ZFPM2: variants seen among roughly 807,000 people sequenced by gnomAD.
The protein encoded by ZFPM2 is zinc finger protein ZFPM2.
A neutral mutation model predicts 98.6 loss-of-function variants in ZFPM2; 20 were observed. The ratio of observed to expected loss-of-function variants is 0.20; its 90% CI spans 0.14 to 0.29. The LOEUF (loss-of-function observed/expected upper bound fraction) is 0.29. Ranked by LOEUF, ZFPM2 falls within the 10% of genes least tolerant of loss-of-function variation. The probability of loss-of-function intolerance (pLI) is 1.00; values close to 1 mark genes in which losing one functional copy is unlikely to be tolerated. For synonymous variants in ZFPM2, 518 were observed against 502.7 expected (o/e 1.03, Z -0.41); for missense variants, 1,310 against 1,388.6 (o/e 0.94, Z 0.90).
At chr8:105,798,458 A>C (rs1317731543) in intron 6 of ZFPM2, 16 of 331,814 alleles carry the variant, frequency 4.8e-5, no homozygotes, top group Non-Finnish European at 8.9e-5. Flanking sequence ...GCAAAAAATA[A>C]AATAAAATAA....
intron 4 of ZFPM2, among the ~76,000 whole-genome samples, chr8:105,606,629 A>G (rs1563740276): frequency 6.6e-6 from 1 of 152,050 alleles, no homozygotes; most frequent in Non-Finnish European, 1.5e-5. Flanking sequence ...AATACTAACC[A>G]TTATTGTCAT....
intron 5 of ZFPM2, among the ~76,000 whole-genome samples, chr8:105,758,888 C>T (rs1367763971): frequency 6.6e-6 from 1 of 152,206 alleles, no homozygotes; most frequent in East Asian, 1.9e-4. Context: ...TTATAGGAAA[C>T]TCATGCCTGA....
At chr8:105,798,669 AC>A in intron 6 of ZFPM2, 54 bp from the exon 7 acceptor site, 1 of 1,494,116 alleles carries the variant, frequency 6.7e-7, no homozygotes, top group Non-Finnish European at 9.2e-7. Context: ...TGCTTTACCC[AC>A]AGTTGGTTTC....
At chr8:105,678,257 G>A (rs1281468842) in intron 5 of ZFPM2, among the ~76,000 whole-genome samples, 1 of 152,104 alleles carries the variant, frequency 6.6e-6, no homozygotes, top group Non-Finnish European at 1.5e-5. Context: ...TTATTTCAGA[G>A]CCTACATGAC....
rs568895794 is a variant in ZFPM2 at position 105,679,479 on chromosome 8, G to A, written c.532+45122G>A. Among the ~76,000 whole-genome samples the A allele has an allele frequency of 5.3e-5, 8 of 152,264 alleles. 1 individual carries two copies. In the South Asian group the frequency reaches 1.5e-3, roughly 28 times the overall value. Reference sequence around the variant, plus strand: ...TGTGCTTAACAAAGTCACTCAATTTGGAGCTTGAAGACGAGCTTTCAAATA... The same window carrying A: ...TGTGCTTAACAAAGTCACTCAATTTAGAGCTTGAAGACGAGCTTTCAAATA... On this transcript the variant is annotated intron_variant, in intron 5 of 7. Coordinates refer to ENST00000407775, the MANE Select transcript of ZFPM2 (RefSeq NM_012082.4).
At chr8:105,739,526 A>T (rs1384925436) in intron 5 of ZFPM2, among the ~76,000 whole-genome samples, 1 of 152,010 alleles carries the variant, frequency 6.6e-6, no homozygotes, top group African/African-American at 2.4e-5. Flanking sequence ...ATACACAAGC[A>T]TATGGGGAAT....
chr8:105,565,057 A>G (rs898614750), intron 4 of ZFPM2, among the ~76,000 whole-genome samples: 31 of 152,258 alleles, frequency 2.0e-4, no homozygotes, highest in African/African-American at 7.2e-4. Flanking sequence ...ACTCTGCTCA[A>G]ACTCATGGTG....
intron 3 of ZFPM2, among the ~76,000 whole-genome samples, chr8:105,534,046 T>TCCTCCCTCCCTC (rs1563704403): frequency 8.6e-5 from 2 of 23,286 alleles, no homozygotes; most frequent in East Asian, 1.2e-3. Flanking sequence ...CTCCCTCCCT[T>TCCTCCCTCCCTC]CCTCCCTTCC....
chr8:105,349,477 T>G (rs1397380857), intron 1 of ZFPM2, among the ~76,000 whole-genome samples: 1 of 152,182 alleles, frequency 6.6e-6, no homozygotes, highest in East Asian at 1.9e-4. Flanking sequence ...ATAGGGTATT[T>G]TGATTAATTG....
At chr8:105,404,374 T>C (rs1006415831) in intron 1 of ZFPM2, among the ~76,000 whole-genome samples, 2 of 152,092 alleles carry the variant, frequency 1.3e-5, no homozygotes, top group African/African-American at 4.8e-5. Flanking sequence ...TTTCCCTCTT[T>C]GTTTGAGATT....
At chr8:105,784,776 C>A (rs1813363165) in intron 5 of ZFPM2, 1 of 145,410 alleles carries the variant, frequency 6.9e-6, no homozygotes, top group Non-Finnish European at 1.5e-5. Flanking sequence ...CAGCCTGGTT[C>A]CATTGCCCAA....
At chr8:105,701,666 T>C (rs1253849845) in intron 5 of ZFPM2, among the ~76,000 whole-genome samples, 2 of 152,204 alleles carry the variant, frequency 1.3e-5, no homozygotes, top group African/African-American at 4.8e-5. Context: ...AATTTAACGT[T>C]ACAAAATACA....
chr8:105,789,024 T>C (rs1171865900), intron 6 of ZFPM2, 100 bp downstream of exon 6: 2 of 929,598 alleles, frequency 2.2e-6, no homozygotes, highest in Admixed American at 6.0e-5. Context: ...ACCTTTTTCC[T>C]TCAGTGTTGT....
At chr8:105,324,797 T>C (rs557733762) in intron 1 of ZFPM2, among the ~76,000 whole-genome samples, 161 of 152,110 alleles carry the variant, frequency 1.1e-3, no homozygotes, top group African/African-American at 3.8e-3. Flanking sequence ...CCAGATGAAC[T>C]TTCCTTGAAA....
At chr8:105,733,766 C>G (rs544052038) in intron 5 of ZFPM2, among the ~76,000 whole-genome samples, 1 of 151,994 alleles carries the variant, frequency 6.6e-6, no homozygotes, top group South Asian at 2.1e-4. Flanking sequence ...CTGCCCCTAT[C>G]TTACTGAGCT....
At chr8:105,322,424 T>G (rs1812044304) in intron 1 of ZFPM2, among the ~76,000 whole-genome samples, 1 of 151,146 alleles carries the variant, frequency 6.6e-6, no homozygotes, top group African/African-American at 2.4e-5. Context: ...GTGTATTGGC[T>G]ATGGGTGCAG....
At position 105,444,275 on chromosome 8, in the gene ZFPM2, T is replaced by C; in HGVS notation, c.200-5T>C. 6.2e-7 allele frequency: 1 copy of C among 1,607,182 alleles called. No homozygotes were observed. The highest frequency in any genetic ancestry group is 1.1e-5 in the South Asian group (1 of 89,460). Reference sequence around the variant, plus strand: ...TCTTTCTCTCCTTGTGTTGGTGTTTTCCAGGTGATGATGAAGGAATCCAGG... The same window carrying C: ...TCTTTCTCTCCTTGTGTTGGTGTTTCCCAGGTGATGATGAAGGAATCCAGG... On this transcript the variant is annotated splice_polypyrimidine_tract_variant and splice_region_variant and intron_variant, in intron 2 of 7. Transcript: ENST00000407775.
intron 4 of ZFPM2, among the ~76,000 whole-genome samples, chr8:105,632,152 T>G (rs1816766195): frequency 6.6e-6 from 1 of 151,796 alleles, no homozygotes; most frequent in Non-Finnish European, 1.5e-5. Context: ...GGGTTTTGTT[T>G]TGTTTTGTTT....
intron 1 of ZFPM2, among the ~76,000 whole-genome samples, chr8:105,405,794 C>T (rs1483882662): frequency 1.3e-5 from 2 of 152,028 alleles, no homozygotes; most frequent in East Asian, 3.9e-4. Context: ...GGTATATACC[C>T]AGTAATGGGA....
Sources: allele counts gnomAD v4.1 joint callset (sites outside exome capture counted in the v4.1 genomes callset), GRCh38; gene constraint gnomAD v4.1.1; transcripts MANE v1.5; gene names NCBI Gene and HGNC (gene_info 2026-07-23, HGNC 2026-07-21).